ZNF354B: variants seen among roughly 807,000 people sequenced by gnomAD.
ZNF354B encodes the protein zinc finger protein 354B.
A neutral mutation model predicts 12.9 loss-of-function variants in ZNF354B; 10 were observed. The observed-to-expected ratio is 0.77, with a 90% CI of 0.48 to 1.31. The LOEUF is 1.31. Among genes scored for constraint, ZNF354B ranks in the 40% most tolerant of loss-of-function variants. The probability of loss-of-function intolerance (pLI) is 0.00; values close to 1 mark genes in which losing one functional copy is unlikely to be tolerated. For synonymous variants in ZNF354B, 260 were observed against 243.7 expected (o/e 1.07, Z -0.62); for missense variants, 614 against 711.7 (o/e 0.86, Z 1.56).
chr5:178,884,004 G>A lies in ZNF354B; in HGVS notation c.1552G>A (p.Gly518Arg), dbSNP rs1757761408. ...TAGTAATCACCAGAGAATTCATACT[G>A]GAGAGAAACCATATCGATGTTTAGA... is the stretch of plus-strand genomic sequence containing the variant. ...SLSNHQRIHT[G>R]EKPYRCLECG... The change falls in exon 5 of 5, where the codon GGA (glycine) becomes AGA (arginine). Residue 518 changes from glycine (G) to arginine (R), a missense_variant. Transcript: ENST00000322434. 1.2e-6 allele frequency: 2 copies of A among 1,614,072 alleles called. No individual in the cohort carries two copies. Among genetic ancestry groups the A allele is most frequent in the Non-Finnish European group, 1.7e-6 (2 of 1,179,982 alleles).
intron 4 of ZNF354B, among the ~76,000 whole-genome samples, chr5:178,878,884 A>G (rs939577245): frequency 1.3e-5 from 2 of 152,078 alleles, no homozygotes; most frequent in Middle Eastern, 3.4e-3. Context: ...TGTATTTAGT[A>G]GAGACGGGGT....
At chr5:178,869,839 A>G (rs1757534828) in intron 4 of ZNF354B, among the ~76,000 whole-genome samples, 1 of 152,046 alleles carries the variant, frequency 6.6e-6, no homozygotes, top group Admixed American at 6.5e-5. Flanking sequence ...TGGCATTCCT[A>G]GGGTGCTGAC....
At chr5:178,860,917 C>A (rs1054562002) in intron 1 of ZNF354B, 80 bp from the exon 2 acceptor site, 29 of 526,980 alleles carry the variant, frequency 5.5e-5, no homozygotes, top group Admixed American at 3.0e-4. Context: ...TCCTTCTCAG[C>A]GGGAGTCGGG....
In ZNF354B at chr5:178,882,686, GCTTT is replaced by G; in HGVS notation, c.257-18_257-15del. On this transcript the variant is annotated intron_variant, in intron 4 of 4. Coordinates refer to ENST00000322434, the MANE Select transcript of ZNF354B (RefSeq NM_058230.3). ...CCAATCACATGAATCATGGGCTGTT[GCTTT>G]CTTTTTTTCTTTTTTCAGGATGTAA... The G allele has an allele frequency of 2.0e-6, 3 of 1,527,830 alleles. No individual in the cohort carries two copies. The highest frequency in any genetic ancestry group is 2.6e-6 in the Non-Finnish European group (3 of 1,148,434). The allele number at this position is 1,527,830 out of a possible 1,614,324, so 94.6% of individuals were successfully genotyped here.
chr5:178,884,386 T>C lies in ZNF354B; in HGVS notation c.*95T>C. 7.7e-7 allele frequency: 1 copy of C among 1,299,374 alleles called. No homozygotes were observed. The highest frequency in any genetic ancestry group is 1.0e-6 in the Non-Finnish European group (1 of 959,948). 80.5% of individuals were successfully genotyped at this position (1,299,374 alleles called of 1,614,324 possible). A position where few individuals can be genotyped will look rare whatever the true frequency, so the allele number is the denominator to read the frequency against. On this transcript the variant is annotated 3_prime_UTR_variant, in exon 5 of 5. Coordinates refer to ENST00000322434, the MANE Select transcript of ZNF354B (RefSeq NM_058230.3). Reference sequence around the variant, plus strand: ...AAAACTCTTAGTTCTCATCAGATACTAAGTTTTAAGAATAAACTTTAGCTA... The same window carrying C: ...AAAACTCTTAGTTCTCATCAGATACCAAGTTTTAAGAATAAACTTTAGCTA...
At chr5:178,863,561 G>C (rs1757395338) in intron 2 of ZNF354B, among the ~76,000 whole-genome samples, 1 of 152,198 alleles carries the variant, frequency 6.6e-6, no homozygotes, top group Non-Finnish European at 1.5e-5. Flanking sequence ...GTTCATAATA[G>C]TTGATGATAT....
At chr5:178,868,915 C>T (rs1210467420) in intron 4 of ZNF354B, among the ~76,000 whole-genome samples, 4 of 149,698 alleles carry the variant, frequency 2.7e-5, no homozygotes, top group African/African-American at 4.9e-5. Context: ...GAACTTGCAG[C>T]GAGCCGAGAT....
chr5:178,881,169 T>C (rs949158523), intron 4 of ZNF354B, among the ~76,000 whole-genome samples: 3 of 152,168 alleles, frequency 2.0e-5, no homozygotes, highest in Non-Finnish European at 4.4e-5. Flanking sequence ...TTGTTTCATC[T>C]GTTCCAGTGA....
At chr5:178,861,295 C>T (rs1416940757) in intron 2 of ZNF354B, among the ~76,000 whole-genome samples, 1 of 141,650 alleles carries the variant, frequency 7.1e-6, no homozygotes, top group African/African-American at 2.5e-5. Context: ...CACGAATCTT[C>T]ATCCATTGTG....
At chr5:178,879,537 G>A (rs1011472914) in intron 4 of ZNF354B, among the ~76,000 whole-genome samples, 7 of 151,792 alleles carry the variant, frequency 4.6e-5, no homozygotes, top group African/African-American at 1.5e-4. Context: ...CCGCCATCAT[G>A]CCCAGCTAAT....
chr5:178,883,769 T>C lies in ZNF354B; in HGVS notation c.1317T>C (p.Asn439=). ...RIIHTGEKLY[N]CNECGKALSS... ...TTCATACTGGAGAGAAATTGTATAA[T>C]TGTAATGAATGTGGTAAAGCCTTAA... is the stretch of plus-strand genomic sequence containing the variant. Residue 439 remains asparagine, a synonymous_variant, in exon 5 of 5, where the codon AAT becomes AAC. Coordinates refer to ENST00000322434, the MANE Select transcript of ZNF354B (RefSeq NM_058230.3). 3 of 1,614,108 alleles carry C rather than the reference T, an allele frequency of 1.9e-6. No individual in the cohort carries two copies. In the South Asian group the frequency reaches 3.3e-5, roughly 18 times the overall value.
chr5:178,870,010 A>C (rs1277072966), intron 4 of ZNF354B, among the ~76,000 whole-genome samples: 1 of 152,096 alleles, frequency 6.6e-6, no homozygotes, highest in Non-Finnish European at 1.5e-5. Context: ...CTCTAGCTCG[A>C]ACCAAAAACT....
At chr5:178,878,691 T>A (rs1757675660) in intron 4 of ZNF354B, among the ~76,000 whole-genome samples, 1 of 152,174 alleles carries the variant, frequency 6.6e-6, no homozygotes, top group South Asian at 2.1e-4. Flanking sequence ...GGAGGTTTTT[T>A]TGTTTGTTTT....
chr5:178,879,493 T>C (rs1342747736), intron 4 of ZNF354B, among the ~76,000 whole-genome samples: 1 of 150,850 alleles, frequency 6.6e-6, no homozygotes. Flanking sequence ...CATTCTCCCG[T>C]CTCAGCCTCC....
intron 4 of ZNF354B, among the ~76,000 whole-genome samples, chr5:178,868,968 A>G (rs999486850): frequency 1.4e-5 from 2 of 143,748 alleles, no homozygotes; most frequent in African/African-American, 5.4e-5. Flanking sequence ...CAAGACTCCA[A>G]CTCAAAAAAA....
chr5:178,879,492 G>A (rs533745990), intron 4 of ZNF354B, among the ~76,000 whole-genome samples: 17 of 151,644 alleles, frequency 1.1e-4, no homozygotes, highest in East Asian at 3.9e-4. Flanking sequence ...CCATTCTCCC[G>A]TCTCAGCCTC....
At chr5:178,862,527 C>T (rs993892167) in intron 2 of ZNF354B, among the ~76,000 whole-genome samples, 1 of 152,070 alleles carries the variant, frequency 6.6e-6, no homozygotes, top group Non-Finnish European at 1.5e-5. Flanking sequence ...CCACCACGCC[C>T]GGCTAATTTT....
intron 3 of ZNF354B, among the ~76,000 whole-genome samples, 197 bp downstream of exon 3, chr5:178,866,567 G>A (rs1454339297): frequency 1.3e-5 from 2 of 151,948 alleles, no homozygotes; most frequent in Non-Finnish European, 2.9e-5. Flanking sequence ...TTGGCGGGTG[G>A]GTATTGATAA....
Position 178,866,306 on chromosome 5 carries a change from T to A in ZNF354B, c.96T>A (p.Ala32=), listed in dbSNP as rs759934757. The A allele has an allele frequency of 6.2e-7, 1 of 1,600,372 alleles. No individual in the cohort carries two copies. The change falls in exon 3 of 5, where the codon GCT becomes GCA. Residue 32 remains alanine (A), a synonymous_variant. Transcript: ENST00000322434. ...CCTGGGATGAGTGGAGAAAGCTGGC[T>A]CCTTCTCAGAGAAACTTGTACCGGG... The part of the protein sequence containing the change: ...LFTWDEWRKL[A]PSQRNLYRDV...
Sources: gnomAD v4.1 joint callset for allele counts (sites outside exome capture counted in the v4.1 genomes callset) on GRCh38, gnomAD v4.1.1 for gene constraint, MANE v1.5 for transcripts, NCBI Gene and HGNC (gene_info 2026-07-23, HGNC 2026-07-21) for gene names.